The following BCKDHB variants were observed in gnomAD, a reference collection of about 807,000 sequenced individuals.
BCKDHB encodes branched chain keto acid dehydrogenase E1 subunit beta.
Under a neutral mutation model 48.5 loss-of-function variants are expected in BCKDHB, and 41 were observed. The observed-to-expected ratio is 0.85, with a 90% CI of 0.66 to 1.10. The LOEUF (loss-of-function observed/expected upper bound fraction) is 1.10, where lower values mean the gene tolerates loss of function less well. Ranked by LOEUF, BCKDHB falls within the 50% of genes least tolerant of loss-of-function variation. The probability of loss-of-function intolerance (pLI) is 0.00; values close to 1 mark genes in which losing one functional copy is unlikely to be tolerated. For missense variants in BCKDHB, 496 were observed against 494.2 expected, an observed-to-expected ratio of 1.00 and a Z score of -0.03; for synonymous variants, 201 against 174.8, an observed-to-expected ratio of 1.15 and a Z score of -1.18.
intron 3 of BCKDHB, among the ~76,000 whole-genome samples, chr6:80,135,006 C>A (rs957554772): frequency 2.0e-5 from 3 of 152,134 alleles, no homozygotes; most frequent in African/African-American, 7.2e-5. Context: ...CCAGCCTTGG[C>A]CTCCCAAAGT....
the BCKDHB span, among the ~76,000 whole-genome samples, chr6:80,383,794 C>T: frequency 2.0e-5 from 3 of 152,058 alleles, no homozygotes; most frequent in Non-Finnish European, 4.4e-5. Context: ...GTAGCATATT[C>T]TCTTCCCCAT....
the BCKDHB span, among the ~76,000 whole-genome samples, chr6:80,358,236 C>T: frequency 6.6e-6 from 1 of 151,966 alleles, no homozygotes; most frequent in Admixed American, 6.6e-5. Flanking sequence ...ACAGCATCCT[C>T]TTATTATTTT....
the BCKDHB span, among the ~76,000 whole-genome samples, chr6:80,365,041 A>T: frequency 6.6e-6 from 1 of 152,156 alleles, no homozygotes; most frequent in Non-Finnish European, 1.5e-5. Context: ...AAGAACAGGG[A>T]GTAGGTATGA....
At chr6:80,323,546 A>G (rs912573508) in intron 9 of BCKDHB, among the ~76,000 whole-genome samples, 2 of 152,184 alleles carry the variant, frequency 1.3e-5, no homozygotes, top group African/African-American at 4.8e-5. Flanking sequence ...AAACTGTTCT[A>G]CAGTAGAGAG....
Position 80,333,784 on chromosome 6 carries a change from T to G in BCKDHB, c.1039-9880T>G, listed in dbSNP as rs1769435571. Among the ~76,000 whole-genome samples, 3 of 152,174 alleles carry G rather than the reference T, an allele frequency of 2.0e-5. No homozygotes were observed. In the South Asian group the frequency reaches 6.2e-4, roughly 32 times the overall value. On this transcript the variant is annotated intron_variant, in intron 9 of 9. Coordinates refer to ENST00000320393, the MANE Select transcript of BCKDHB (RefSeq NM_183050.4). ...AGCTTTTTATATGAACTATATACAT[T>G]TAGTTTACCTAAGTTTATTAATAAA...
chr6:80,354,133 G>A, the BCKDHB span, among the ~76,000 whole-genome samples: 3 of 152,052 alleles, frequency 2.0e-5, no homozygotes, highest in Non-Finnish European at 4.4e-5. Context: ...CACTATGCAG[G>A]TTTTCTATTC....
chr6:80,362,136 T>C, the BCKDHB span, among the ~76,000 whole-genome samples: 3 of 152,142 alleles, frequency 2.0e-5, no homozygotes, highest in Non-Finnish European at 4.4e-5. Flanking sequence ...GGACTAGAAC[T>C]GAAAGCCTGT....
intron 6 of BCKDHB, among the ~76,000 whole-genome samples, chr6:80,183,484 A>G (rs1037946017): frequency 4.6e-5 from 7 of 152,202 alleles, no homozygotes; most frequent in Admixed American, 4.6e-4. Context: ...ATTGAGAGAT[A>G]GACATGGAGA....
chr6:80,194,482 C>CGA (rs1203052676), intron 6 of BCKDHB, among the ~76,000 whole-genome samples: 1 of 152,112 alleles, frequency 6.6e-6, no homozygotes, highest in East Asian at 1.9e-4. Flanking sequence ...TATCCAGAGT[C>CGA]TATTTATCGT....
chr6:80,412,238 G>A, the BCKDHB span, among the ~76,000 whole-genome samples: 1 of 150,844 alleles, frequency 6.6e-6, no homozygotes, highest in Non-Finnish European at 1.5e-5. Context: ...CTGCCTCTTG[G>A]GTTCAAGTGA....
At chr6:80,257,842 C>T (rs1022976246) in intron 8 of BCKDHB, among the ~76,000 whole-genome samples, 5 of 152,168 alleles carry the variant, frequency 3.3e-5, no homozygotes, top group South Asian at 2.1e-4. Context: ...AGCAAATAGA[C>T]GGGCACATTT....
the BCKDHB span, among the ~76,000 whole-genome samples, chr6:80,433,707 T>C: frequency 6.6e-6 from 1 of 150,384 alleles, no homozygotes; most frequent in Non-Finnish European, 1.5e-5. Context: ...GTCACTGGTG[T>C]ATGGAAAAAA....
the BCKDHB span, chr6:80,374,439 G>T: frequency 1.3e-6 from 1 of 765,134 alleles, no homozygotes; most frequent in Non-Finnish European, 2.4e-6. Context: ...ATATTTTGTG[G>T]CTTTTCATAT....
the BCKDHB span, among the ~76,000 whole-genome samples, chr6:80,362,275 T>C: frequency 6.6e-6 from 1 of 152,204 alleles, no homozygotes; most frequent in Non-Finnish European, 1.5e-5. Flanking sequence ...GCGACACTGT[T>C]GAGCCCCAAG....
At chr6:80,135,095 C>G (rs184987808) in intron 3 of BCKDHB, among the ~76,000 whole-genome samples, 1 of 152,178 alleles carries the variant, frequency 6.6e-6, no homozygotes, top group Non-Finnish European at 1.5e-5. Flanking sequence ...TTAGCAAAAT[C>G]TTTGCTCTCT....
At chr6:80,250,264 T>C (rs961189931) in intron 8 of BCKDHB, among the ~76,000 whole-genome samples, 2 of 105,716 alleles carry the variant, frequency 1.9e-5, no homozygotes, top group South Asian at 7.8e-4. Flanking sequence ...GATGAATCTT[T>C]ACTTCTGGCA....
At chr6:80,266,527 C>T (rs768538441) in intron 8 of BCKDHB, among the ~76,000 whole-genome samples, 7 of 151,978 alleles carry the variant, frequency 4.6e-5, no homozygotes, top group Non-Finnish European at 7.4e-5. Context: ...TCAGTAGGAA[C>T]GGGAAGCTTG....
chr6:80,107,295 T>C (rs1015827255), intron 1 of BCKDHB, among the ~76,000 whole-genome samples: 1 of 145,280 alleles, frequency 6.9e-6, no homozygotes, highest in African/African-American at 2.5e-5. Context: ...AAAAGATATA[T>C]ATATATGTTT....
chr6:80,125,281 A>G (rs1404536630), intron 1 of BCKDHB, among the ~76,000 whole-genome samples: 1 of 152,180 alleles, frequency 6.6e-6, no homozygotes, highest in Non-Finnish European at 1.5e-5. Context: ...CATAGAATTG[A>G]AAAGAGTTAG....
Sources: gnomAD v4.1 joint callset for allele counts (sites outside exome capture counted in the v4.1 genomes callset) on GRCh38, gnomAD v4.1.1 for gene constraint, MANE v1.5 for transcripts, NCBI Gene and HGNC (gene_info 2026-07-23, HGNC 2026-07-21) for gene names.